Variants in PALS2 observed in about 807,000 individuals in gnomAD.
The protein encoded by PALS2 is protein associated with LIN7 2, MAGUK p55 family member, also known as protein PALS2.
In PALS2, 27 loss-of-function variants were observed where a neutral mutation model predicts 61.6. The ratio of observed to expected loss-of-function variants is 0.44; its 90% CI spans 0.32 to 0.60. The LOEUF is 0.60. Among genes scored for constraint, PALS2 ranks in the 20% least tolerant of loss-of-function variants. PALS2 has a pLI of 0.05. For synonymous variants in PALS2, 236 were observed against 218.6 expected (o/e 1.08, Z -0.70); for missense variants, 554 against 639.4 (o/e 0.87, Z 1.44).
intron 1 of PALS2, among the ~76,000 whole-genome samples, chr7:24,587,976 TAA>T (rs1783138054): frequency 6.6e-6 from 1 of 152,170 alleles, no homozygotes; most frequent in African/African-American, 2.4e-5. Flanking sequence ...TTTTGCCCCC[TAA>T]GGGACATTTG....
chr7:24,608,226 T>G (rs949732909), intron 1 of PALS2, among the ~76,000 whole-genome samples: 3 of 152,170 alleles, frequency 2.0e-5, no homozygotes, highest in Non-Finnish European at 4.4e-5. Context: ...TTATTGTTCC[T>G]TTTACATTAA....
rs140573480 is a variant in PALS2 at position 24,633,593 on chromosome 7, GT to G, written c.118-8120del. Among the ~76,000 whole-genome samples the G allele has an allele frequency of 5.4e-3, 815 of 151,632 alleles. 5 individuals are homozygous for G. Among genetic ancestry groups the G allele is most frequent in the African/African-American group, 0.018 (748 of 41,368 alleles). The stretch of plus-strand genomic sequence containing the variant: ...GTTCTATGAGTCTCGTGGATCTGTG[GT>G]TTGGTGTCCATCATTAATTTAGGAA... On this transcript the variant is annotated intron_variant, in intron 2 of 11. Coordinates refer to ENST00000222644, the MANE Select transcript of PALS2 (RefSeq NM_001303037.2).
At chr7:24,637,209 G>C (rs1562630955) in intron 2 of PALS2, among the ~76,000 whole-genome samples, 2 of 151,096 alleles carry the variant, frequency 1.3e-5, no homozygotes, top group African/African-American at 4.9e-5. Flanking sequence ...TCTAATCTCG[G>C]AATTTGTATT....
chr7:24,634,030 G>A (rs1785126570), intron 2 of PALS2, among the ~76,000 whole-genome samples: 1 of 152,056 alleles, frequency 6.6e-6, no homozygotes, highest in Non-Finnish European at 1.5e-5. Flanking sequence ...ATTTTTTGGA[G>A]AAATATCTGT....
At chr7:24,677,734 C>T (rs1344760857) in intron 9 of PALS2, among the ~76,000 whole-genome samples, 1 of 152,106 alleles carries the variant, frequency 6.6e-6, no homozygotes, top group Non-Finnish European at 1.5e-5. Flanking sequence ...TTAAAGATCA[C>T]ACAGTTTTAA....
At chr7:24,675,079 C>G (rs940987497) in intron 9 of PALS2, among the ~76,000 whole-genome samples, 3 of 151,996 alleles carry the variant, frequency 2.0e-5, no homozygotes, top group Non-Finnish European at 2.9e-5. Context: ...TATGTGGCAA[C>G]GTAGATTGTT....
chr7:24,674,387 A>G (rs866003267), intron 9 of PALS2: 1 of 153,320 alleles, frequency 6.5e-6, no homozygotes, highest in Non-Finnish European at 1.5e-5. Context: ...TGAATTAGCC[A>G]TATGATTCAG....
rs369155096 is a variant in PALS2 at position 24,618,761 on chromosome 7, G to A, written c.-2-4905G>A. On this transcript the variant is annotated intron_variant, in intron 1 of 11. Transcript: ENST00000222644. The surrounding 1 kb of genome is among the most constrained non-coding windows in gnomAD (Gnocchi z 5.1). Reference sequence around the variant, plus strand: ...CTCGGAGGATGGGATGGCAGAGGCAGGATGCCTCCACGCTGGCCTTGTGGG... The same window carrying A: ...CTCGGAGGATGGGATGGCAGAGGCAAGATGCCTCCACGCTGGCCTTGTGGG... Among the ~76,000 whole-genome samples the A allele has an allele frequency of 6.6e-6, 1 of 152,244 alleles. No individual in the cohort carries two copies. Among genetic ancestry groups the A allele is most frequent in the East Asian group, 1.9e-4 (1 of 5,196 alleles).
rs995235985 is a variant in PALS2 at position 24,650,438 on chromosome 7, A to G, written c.424-47A>G. ...TACATATGCTCATGAATATTTAAGC[A>G]TTTCTCCCTAATAATTAATGAGAAA... On this transcript the variant is annotated intron_variant, in intron 4 of 11. Coordinates refer to ENST00000222644, the MANE Select transcript of PALS2 (RefSeq NM_001303037.2). The G allele has an allele frequency of 9.2e-6, 13 of 1,414,326 alleles. No homozygotes were observed. In the African/African-American group the frequency reaches 1.2e-4, roughly 13 times the overall value. The allele number at this position is 1,414,326 out of a possible 1,614,324, so 87.6% of individuals were successfully genotyped here. A position where few individuals can be genotyped will look rare whatever the true frequency, so the allele number is the denominator to read the frequency against.
At chr7:24,644,806 C>T (rs187232766) in intron 3 of PALS2, among the ~76,000 whole-genome samples, 1 of 152,042 alleles carries the variant, frequency 6.6e-6, no homozygotes, top group East Asian at 1.9e-4. Context: ...TTAACAGCAT[C>T]TGGTATTTTT....
chr7:24,582,738 C>T (rs1247358067), intron 1 of PALS2, among the ~76,000 whole-genome samples: 1 of 151,804 alleles, frequency 6.6e-6, no homozygotes, highest in African/African-American at 2.4e-5. Flanking sequence ...ATCCTTCTAT[C>T]TTCTATCCTT....
At chr7:24,673,488 A>G (rs75986916) in intron 9 of PALS2, among the ~76,000 whole-genome samples, 9,201 of 152,148 alleles carry the variant, frequency 0.06, 320 homozygotes, top group African/African-American at 0.084. Flanking sequence ...AATTCTTTCA[A>G]TGTTTGATGA....
chr7:24,645,365 GAA>G (rs1453704127), intron 3 of PALS2, among the ~76,000 whole-genome samples: 55 of 152,228 alleles, frequency 3.6e-4, no homozygotes, highest in African/African-American at 1.3e-3. Context: ...ACCATTTATT[GAA>G]TAGGGAGTCT....
chr7:24,596,807 G>A lies in PALS2; in HGVS notation c.-3+23214G>A, dbSNP rs1254037376. Among the ~76,000 whole-genome samples the A allele has an allele frequency of 6.6e-6, 1 of 152,154 alleles. No individual in the cohort carries two copies. The highest frequency in any genetic ancestry group is 6.6e-5 in the Admixed American group (1 of 15,258). Reference sequence around the variant, plus strand: ...CATAGTAGGAAGCATGGACTGTGGTGGGGAGAGATTGGGGATTAGTATACC... The same window carrying A: ...CATAGTAGGAAGCATGGACTGTGGTAGGGAGAGATTGGGGATTAGTATACC... On this transcript the variant is annotated intron_variant, in intron 1 of 11. Transcript: ENST00000222644. This position sits in a 1 kb window ranked among gnomAD's most constrained non-coding sequence, Gnocchi z 4.5.
chr7:24,649,528 G>A, intron 3 of PALS2, 84 bp from the exon 4 acceptor site: 11 of 1,302,100 alleles, frequency 8.4e-6, no homozygotes, highest in Non-Finnish European at 1.0e-5. Context: ...TACTCCATTG[G>A]AATAATGAAA....
intron 2 of PALS2, among the ~76,000 whole-genome samples, chr7:24,640,785 G>A (rs993275795): frequency 6.6e-6 from 1 of 151,948 alleles, no homozygotes; most frequent in African/African-American, 2.4e-5. Context: ...GAGGCGGGTG[G>A]ATCACGAGGT....
chr7:24,684,199 A>G (rs1454177100), intron 11 of PALS2, among the ~76,000 whole-genome samples: 1 of 151,950 alleles, frequency 6.6e-6, no homozygotes, highest in Non-Finnish European at 1.5e-5. Flanking sequence ...TCCCAGGTTC[A>G]AGCGATTCTC....
chr7:24,675,582 C>G (rs1296497990), intron 9 of PALS2, among the ~76,000 whole-genome samples: 2 of 136,336 alleles, frequency 1.5e-5, no homozygotes, highest in Non-Finnish European at 3.1e-5. Flanking sequence ...TGATGTTCCC[C>G]TTCCTGTGTC....
intron 1 of PALS2, among the ~76,000 whole-genome samples, chr7:24,615,536 C>G (rs886780363): frequency 6.6e-6 from 1 of 151,702 alleles, no homozygotes; most frequent in African/African-American, 2.4e-5. Context: ...AAGATTGAGT[C>G]CAGATGAGAT....
Sources: gnomAD v4.1 joint callset for allele counts (sites outside exome capture counted in the v4.1 genomes callset) on GRCh38, gnomAD v4.1.1 for gene constraint, Gnocchi (gnomAD v3.1) non-coding constraint, MANE v1.5 for transcripts, NCBI Gene and HGNC (gene_info 2026-07-23, HGNC 2026-07-21) for gene names.